The following TRIM3 variants were observed in gnomAD, a reference collection of about 807,000 sequenced individuals.
TRIM3 encodes the protein tripartite motif-containing protein 3.
Under a neutral mutation model 66.6 loss-of-function variants are expected in TRIM3, and 13 were observed. That is an observed-to-expected ratio of 0.20 (90% confidence interval 0.13 to 0.31). TRIM3 has a LOEUF of 0.31. TRIM3 is among the 10% of genes least tolerant of loss of function. The pLI is 1.00. For synonymous variants in TRIM3, 406 were observed against 411.7 expected, an observed-to-expected ratio of 0.99 and a Z score of 0.17; for missense variants, 711 against 1,020.4, an observed-to-expected ratio of 0.70 and a Z score of 4.13.
At position 6,458,309 on chromosome 11, in the gene TRIM3, G is replaced by A; in HGVS notation, c.132-13C>T. On this transcript the variant is annotated splice_polypyrimidine_tract_variant and intron_variant, in intron 2 of 11. Coordinates refer to ENST00000345851, the MANE Select transcript of TRIM3 (RefSeq NM_033278.4). This position sits in a 1 kb window ranked among gnomAD's most constrained non-coding sequence, Gnocchi z 6.2. ...GTTTTGGAGACATCTGTCCAGGAAG[G>A]AGAGTCAAAGAACAGAGTGGGTGGG... 4 of 1,604,586 alleles carry A rather than the reference G, an allele frequency of 2.5e-6. No homozygotes were observed. The highest frequency in any genetic ancestry group is 2.7e-5 in the African/African-American group (2 of 74,914).
At position 6,449,193 on chromosome 11, in the gene TRIM3, T is replaced by C. The variant is rs368628123; in HGVS notation, c.2083-13A>G. The C allele has an allele frequency of 6.2e-7, 1 of 1,612,626 alleles. No individual in the cohort carries two copies. Among genetic ancestry groups the C allele is most frequent in the Non-Finnish European group, 8.5e-7 (1 of 1,178,988 alleles). ...AGCTGTCGAATACCTGGGGAAGGAG[T>C]GCAGAAAGGAGGGAGAGGCAAGATC... On this transcript the variant is annotated splice_polypyrimidine_tract_variant and intron_variant, in intron 11 of 11. Transcript: ENST00000345851. This position sits in a 1 kb window ranked among gnomAD's most constrained non-coding sequence, Gnocchi z 5.3.
Position 6,448,791 on chromosome 11 carries a change from T to A in TRIM3, c.*237A>T, listed in dbSNP as rs1444672701. ...GGGGAGGTGTGTAAGAAGGGTAGGG[T>A]GAAGCTCTGCACACATCCTTGGGAC... On this transcript the variant is annotated 3_prime_UTR_variant, in exon 12 of 12. Transcript: ENST00000345851. 1.6e-6 allele frequency: 1 copy of A among 613,444 alleles called. No individual in the cohort carries two copies. The highest frequency in any genetic ancestry group is 2.9e-6 in the Non-Finnish European group (1 of 345,168). 38.0% of individuals were successfully genotyped at this position (613,444 alleles called of 1,614,324 possible). A position where few individuals can be genotyped will look rare whatever the true frequency, so the allele number is the denominator to read the frequency against.
chr11:6,474,419 C>T (rs1850857926), upstream of TRIM3: 1 of 152,236 alleles, frequency 6.6e-6, no homozygotes, highest in African/African-American at 2.4e-5. Flanking sequence ...AGCACGATCT[C>T]TGGGCGGCAG....
rs770363275 is a variant in TRIM3 at position 6,457,494 on chromosome 11, C to T, written c.516-18G>A. The T allele has an allele frequency of 6.2e-7, 1 of 1,609,270 alleles. No homozygotes were observed. The highest frequency in any genetic ancestry group is 1.1e-5 in the South Asian group (1 of 90,908). On this transcript the variant is annotated intron_variant, in intron 4 of 11. Transcript: ENST00000345851. This position sits in a 1 kb window ranked among gnomAD's most constrained non-coding sequence, Gnocchi z 4.5. ...GTGGCAATCTGGAGGGGGAATATCTCATTCCAGAGTTGCTGAGGGTGGCTT... is the reference window on the plus strand; with the variant it reads ...GTGGCAATCTGGAGGGGGAATATCTTATTCCAGAGTTGCTGAGGGTGGCTT...
chr11:6,451,057 T>C lies in TRIM3; in HGVS notation c.1705A>G (p.Lys569Glu). The C allele has an allele frequency of 6.2e-7, 1 of 1,614,114 alleles. No individual in the cohort carries two copies. The stretch of plus-strand genomic sequence containing the variant: ...CCCATGAGGCGGCCAGCTCCAATCT[T>C]GGTCTGGAGGAAGAGAATATCCATA... ...IFSPEGKFKT[K>E]IGAGRLMGPK... is the part of the protein sequence containing the mutation. Residue 569 changes from lysine (K) to glutamate (E), a missense_variant, in exon 9 of 12, where the codon AAG becomes GAG. This residue lies in a region of TRIM3 where 163 missense variants were observed against 321.9 expected (regional missense o/e 0.51). Transcript: ENST00000345851.
chr11:6,472,414 C>G (rs1314415856), intron 1 of TRIM3, among the ~76,000 whole-genome samples: 3 of 150,922 alleles, frequency 2.0e-5, no homozygotes, highest in Non-Finnish European at 2.9e-5. Context: ...TTAGTTGCCT[C>G]CCCTCCACAC....
chr11:6,471,501 T>C (rs1005221939), intron 1 of TRIM3, among the ~76,000 whole-genome samples: 7 of 152,178 alleles, frequency 4.6e-5, no homozygotes, highest in Admixed American at 3.9e-4. Flanking sequence ...TCCCCCAACA[T>C]TGCCAGACTG....
intron 1 of TRIM3, among the ~76,000 whole-genome samples, chr11:6,473,477 G>GCAC (rs979013635): frequency 2.0e-5 from 3 of 151,694 alleles, no homozygotes; most frequent in South Asian, 2.1e-4. Context: ...CACTCAGCAC[G>GCAC]CACCACCACC....
rs201517377 is a variant in TRIM3, at chr11:6,456,240, C to A, written c.1429+57G>T. The A allele has an allele frequency of 2.5e-6, 4 of 1,600,924 alleles. No homozygotes were observed. The highest frequency in any genetic ancestry group is 3.4e-6 in the Non-Finnish European group (4 of 1,171,324). ...CAGAGGTCATCTTGAACCTCCCTTCCCTCCCCACCCACTACCTGAGCCTGG... is the reference window on the plus strand; with the variant it reads ...CAGAGGTCATCTTGAACCTCCCTTCACTCCCCACCCACTACCTGAGCCTGG... On this transcript the variant is annotated intron_variant, in intron 6 of 11. Transcript: ENST00000345851. This position sits in a 1 kb window ranked among gnomAD's most constrained non-coding sequence, Gnocchi z 6.4.
chr11:6,458,624 C>G lies in TRIM3; in HGVS notation c.132-328G>C, dbSNP rs1489407123. Among the ~76,000 whole-genome samples, 2 of 152,204 alleles carry G rather than the reference C, an allele frequency of 1.3e-5. No individual in the cohort carries two copies. The highest frequency in any genetic ancestry group is 4.8e-5 in the African/African-American group (2 of 41,444). On this transcript the variant is annotated intron_variant, in intron 2 of 11. Transcript: ENST00000345851. The surrounding 1 kb of genome is among the most constrained non-coding windows in gnomAD (Gnocchi z 6.2). ...CACCCCCTGCCCAACTTCTTTAACTCATTAACACTACTGTCTACTCTTGCC... is the reference window on the plus strand; with the variant it reads ...CACCCCCTGCCCAACTTCTTTAACTGATTAACACTACTGTCTACTCTTGCC...
chr11:6,456,952 T>A lies in TRIM3; in HGVS notation c.774A>T (p.Ala258=). Residue 258 remains alanine (A), a synonymous_variant, in exon 6 of 12, where the codon GCA becomes GCT. Transcript: ENST00000345851. This position sits in a 1 kb window ranked among gnomAD's most constrained non-coding sequence, Gnocchi z 6.4. ...IGSSCSFAEQ[A]LRLGSAPEVL... ...CCTCCGGGGCCGAGCCCAGGCGCAG[T>A]GCCTGCTCTGCAAAGCTGCAGCTAC... 2 of 1,609,616 alleles carry A rather than the reference T, an allele frequency of 1.2e-6. No homozygotes were observed. Among genetic ancestry groups the A allele is most frequent in the East Asian group, 4.5e-5 (2 of 44,864 alleles).
intron 1 of TRIM3, among the ~76,000 whole-genome samples, chr11:6,469,076 G>A (rs957081062): frequency 1.3e-5 from 2 of 152,174 alleles, no homozygotes; most frequent in Non-Finnish European, 2.9e-5. Flanking sequence ...CTTAATACCA[G>A]GAAAACATAG....
Position 6,456,334 on chromosome 11 carries a change from C to A in TRIM3, c.1392G>T (p.Lys464Asn). The A allele has an allele frequency of 6.5e-7, 1 of 1,543,254 alleles. No individual in the cohort carries two copies. The highest frequency in any genetic ancestry group is 8.8e-7 in the Non-Finnish European group (1 of 1,141,300). Residue 464 changes from lysine to asparagine, a missense_variant, in exon 6 of 12, where the codon AAG becomes AAT. Lys to Asn is a moderately conservative substitution (Grantham distance 94). Coordinates refer to ENST00000345851, the MANE Select transcript of TRIM3 (RefSeq NM_033278.4). This position sits in a 1 kb window ranked among gnomAD's most constrained non-coding sequence, Gnocchi z 6.4. Reference sequence around the variant, plus strand: ...CGAGCTCATCCTCAATTGGGTTGTCCTTTCGTTTGCCGCCTGTGCTGTACA... The same window carrying A: ...CGAGCTCATCCTCAATTGGGTTGTCATTTCGTTTGCCGCCTGTGCTGTACA... ...SSMYSTGGKRKDNPIEDELVF... is the reference protein window; with the variant it reads ...SSMYSTGGKRNDNPIEDELVF...
At chr11:6,474,444 G>C (rs1850859338), upstream of TRIM3, 1 of 152,324 alleles carries the variant, frequency 6.6e-6, no homozygotes, top group Non-Finnish European at 1.5e-5. Flanking sequence ...GCAGTACCCA[G>C]AACTCTGGGA....
chr11:6,451,428 T>C lies in TRIM3; in HGVS notation c.1544A>G (p.Asn515Ser), dbSNP rs1031242275. 4 of 1,614,024 alleles carry C rather than the reference T, an allele frequency of 2.5e-6. No individual in the cohort carries two copies. The highest frequency in any genetic ancestry group is 3.4e-6 in the Non-Finnish European group (4 of 1,180,006). The change falls in exon 8 of 12, where the codon AAT (asparagine) becomes AGT (serine). Residue 515 changes from asparagine to serine, a missense_variant. By Grantham distance (46) the Asn-to-Ser change is conservative. Around this residue, in one of 3 missense-constraint regions of TRIM3, gnomAD observed 163 missense variants for 321.9 expected, o/e 0.51. Coordinates refer to ENST00000345851, the MANE Select transcript of TRIM3 (RefSeq NM_033278.4). ...AAAACGGAACTTGAACTGGCCCTCATTGGAGAAAACCTGGAGCAGAGGAGC... is the reference window on the plus strand; with the variant it reads ...AAAACGGAACTTGAACTGGCCCTCACTGGAGAAAACCTGGAGCAGAGGAGC... ...SNNQCIQVFS[N>S]EGQFKFRFGV...
chr11:6,463,998 A>G (rs1004554323), intron 2 of TRIM3, among the ~76,000 whole-genome samples: 24 of 152,212 alleles, frequency 1.6e-4, no homozygotes, highest in Admixed American at 1.6e-3. Context: ...GTTGGGGCAG[A>G]AGGCAGAGGA....
chr11:6,458,375 C>CCCATGGG lies in TRIM3; in HGVS notation c.132-80_132-79insCCCATGG. ...CCTTCCTTATACTTCCCATGGGTGCCAACCCCTTCCCTCACAGGTGTGCCA... is the reference window on the plus strand; with the variant it reads ...CCTTCCTTATACTTCCCATGGGTGCCCCATGGGAACCCCTTCCCTCACAGGTGTGCCA... On this transcript the variant is annotated intron_variant, in intron 2 of 11. Transcript: ENST00000345851. The surrounding 1 kb of genome is among the most constrained non-coding windows in gnomAD (Gnocchi z 6.2). 3 of 1,150,440 alleles carry CCCATGGG rather than the reference C, an allele frequency of 2.6e-6. No homozygotes were observed. Among genetic ancestry groups the CCCATGGG allele is most frequent in the African/African-American group, 1.5e-5 (1 of 65,674 alleles). The allele number at this position is 1,150,440 out of a possible 1,614,324, so 71.3% of individuals were successfully genotyped here.
At chr11:6,453,567 GA>G (rs1259987763) in intron 7 of TRIM3, among the ~76,000 whole-genome samples, 1 of 152,180 alleles carries the variant, frequency 6.6e-6, no homozygotes, top group East Asian at 1.9e-4. Flanking sequence ...AGTAAAGTAT[GA>G]AAAGTACTAT....
rs199921289 is a variant in TRIM3 at position 6,450,624 on chromosome 11, G to A, written c.1871-3C>T. The A allele has an allele frequency of 1.5e-5, 25 of 1,614,080 alleles. No homozygotes were observed. The African/African-American group carries it at 3.3e-4, about 22-fold the overall frequency. ...GTTCACAGCCACAAAATGGGGCCCT[G>A]AAAATACAAAGTGGTCTTCAGGGCA... On this transcript the variant is annotated splice_polypyrimidine_tract_variant and splice_region_variant and intron_variant, in intron 9 of 11. Transcript: ENST00000345851. This position sits in a 1 kb window ranked among gnomAD's most constrained non-coding sequence, Gnocchi z 4.8.
Sources: gnomAD v4.1 joint callset for allele counts (sites outside exome capture counted in the v4.1 genomes callset) on GRCh38, gnomAD v4.1.1 for gene constraint, gnomAD v4.1.1 regional missense constraint, Gnocchi (gnomAD v3.1) non-coding constraint, MANE v1.5 for transcripts, NCBI Gene and HGNC (gene_info 2026-07-23, HGNC 2026-07-21) for gene names.